CNR1: variants seen among roughly 807,000 people sequenced by gnomAD.
The protein encoded by CNR1 is cannabinoid receptor 1, also known as cannabinoid receptor 1 (brain).
In CNR1, 10 loss-of-function variants were observed where a neutral mutation model predicts 23.0. The ratio of observed to expected loss-of-function variants is 0.43; its 90% confidence interval spans 0.27 to 0.74. The LOEUF is 0.74. Among genes scored for constraint, CNR1 ranks in the 30% least tolerant of loss-of-function variants. The pLI is 0.19. For missense variants in CNR1, 422 were observed against 618.8 expected, an observed-to-expected ratio of 0.68 and a Z score of 3.37; for synonymous variants, 271 against 255.2, an observed-to-expected ratio of 1.06 and a Z score of -0.59.
At chr6:88,165,673 A>G (rs1193294345) in intron 1 of CNR1, 130 bp downstream of exon 1, 2 of 152,512 alleles carry the variant, frequency 1.3e-5, no homozygotes, top group Non-Finnish European at 2.9e-5. Flanking sequence ...ACAGCTAAGT[A>G]AACACCGACG....
In CNR1 at chr6:88,153,035, T is replaced by C. The variant is rs188378428; in HGVS notation, c.-63-7698A>G. ...TCCTAGAATTCTGCTTTAAAAAATA[T>C]AGCCAACATATTCTAACAGTGTAAG... On this transcript the variant is annotated intron_variant, in intron 1 of 1. Coordinates refer to ENST00000369501, the MANE Select transcript of CNR1 (RefSeq NM_016083.6). Among the ~76,000 whole-genome samples, 15 of 152,362 alleles carry C rather than the reference T, an allele frequency of 9.8e-5. 1 individual carries two copies. Among genetic ancestry groups the C allele is most frequent in the Admixed American group, 5.2e-4 (8 of 15,308 alleles).
intron 1 of CNR1, among the ~76,000 whole-genome samples, chr6:88,158,172 T>C (rs888288055): frequency 6.6e-6 from 1 of 152,128 alleles, no homozygotes; most frequent in African/African-American, 2.4e-5. Flanking sequence ...CAATGCAAAA[T>C]ATGCTCTGGA....
intron 1 of CNR1, among the ~76,000 whole-genome samples, chr6:88,156,821 T>A (rs993524782): frequency 2.0e-5 from 3 of 152,128 alleles, no homozygotes; most frequent in Non-Finnish European, 4.4e-5. Context: ...CCATGGACAG[T>A]TTTTTCTGGC....
chr6:88,156,450 G>A (rs572113438), intron 1 of CNR1, among the ~76,000 whole-genome samples: 1 of 152,202 alleles, frequency 6.6e-6, no homozygotes, highest in African/African-American at 2.4e-5. Context: ...CCTCCACCTC[G>A]AATACAGCCC....
chr6:88,164,395 A>C (rs962320196), intron 1 of CNR1: 1 of 152,510 alleles, frequency 6.6e-6, no homozygotes, highest in African/African-American at 2.4e-5. Context: ...TTGCCCCACT[A>C]TGGTAACTGC....
intron 1 of CNR1, among the ~76,000 whole-genome samples, chr6:88,146,667 C>T (rs1464144157): frequency 6.6e-6 from 1 of 152,106 alleles, no homozygotes; most frequent in Non-Finnish European, 1.5e-5. Flanking sequence ...GTGGGCTATT[C>T]ATTTCTTTAG....
intron 1 of CNR1, among the ~76,000 whole-genome samples, chr6:88,150,038 A>G (rs1436607787): frequency 6.6e-6 from 1 of 152,208 alleles, no homozygotes; most frequent in Non-Finnish European, 1.5e-5. Context: ...AGTGATTTGC[A>G]TTTGCCTTTT....
Position 88,143,410 on chromosome 6 carries a change from A to G in CNR1, c.*446T>C, listed in dbSNP as rs1047994937. 1 of 162,690 alleles carries G rather than the reference A, an allele frequency of 6.1e-6. No individual in the cohort carries two copies. Among genetic ancestry groups the G allele is most frequent in the African/African-American group, 2.4e-5 (1 of 41,516 alleles). 10.1% of individuals were successfully genotyped at this position (162,690 alleles called of 1,614,324 possible). A position where few individuals can be genotyped will look rare whatever the true frequency, so the allele number is the denominator to read the frequency against. ...TAATAGCACATAAACACTGATACAC[A>G]TCTCACAGGACATAATACATTTTAC... On this transcript the variant is annotated 3_prime_UTR_variant, in exon 2 of 2. Transcript: ENST00000369501.
At chr6:88,157,145 G>A (rs1377490486) in intron 1 of CNR1, among the ~76,000 whole-genome samples, 1 of 152,122 alleles carries the variant, frequency 6.6e-6, no homozygotes, top group Non-Finnish European at 1.5e-5. Flanking sequence ...TTAATTATAT[G>A]CTGTTGATAG....
chr6:88,156,136 T>G (rs371670222), intron 1 of CNR1, among the ~76,000 whole-genome samples: 1 of 152,194 alleles, frequency 6.6e-6, no homozygotes, highest in South Asian at 2.1e-4. Context: ...ACAAATTATA[T>G]AAACGTTGTA....
At chr6:88,152,876 T>C (rs963203015) in intron 1 of CNR1, among the ~76,000 whole-genome samples, 9 of 152,230 alleles carry the variant, frequency 5.9e-5, no homozygotes, top group Admixed American at 5.9e-4. Context: ...GCCATTAATT[T>C]TGTTTTTGTT....
intron 1 of CNR1, among the ~76,000 whole-genome samples, chr6:88,152,642 T>C (rs1430470599): frequency 6.6e-6 from 1 of 152,248 alleles, no homozygotes; most frequent in Non-Finnish European, 1.5e-5. Flanking sequence ...ATATGGATTT[T>C]ATGTAGTTCA....
chr6:88,161,735 T>C (rs555590002), intron 1 of CNR1, among the ~76,000 whole-genome samples: 1 of 152,260 alleles, frequency 6.6e-6, no homozygotes, highest in African/African-American at 2.4e-5. Flanking sequence ...GAGATGGAAG[T>C]TGCTTGCTCT....
chr6:88,144,690 C>T lies in CNR1; in HGVS notation c.585G>A (p.Gly195=). The T allele has an allele frequency of 6.2e-7, 1 of 1,614,168 alleles. No individual in the cohort carries two copies. Among genetic ancestry groups the T allele is most frequent in the Non-Finnish European group, 8.5e-7 (1 of 1,180,038 alleles). ...CGGAGGCAGTGAAGGAGGCCGTGAC[C>T]CCACCCAGTTTGAACAGAAACACGT... ...SRNVFLFKLG[G]VTASFTASVG... Residue 195 remains glycine (G), a synonymous_variant, in exon 2 of 2, where the codon GGG becomes GGA. Transcript: ENST00000369501. This position sits in a 1 kb window ranked among gnomAD's most constrained non-coding sequence, Gnocchi z 7.8.
At chr6:88,151,885 C>T (rs1179899255) in intron 1 of CNR1, among the ~76,000 whole-genome samples, 1 of 151,840 alleles carries the variant, frequency 6.6e-6, no homozygotes. Context: ...TCAAGGCAAC[C>T]CTATCAGGTG....
At chr6:88,162,577 A>G (rs1778161979) in intron 1 of CNR1, among the ~76,000 whole-genome samples, 1 of 152,250 alleles carries the variant, frequency 6.6e-6, no homozygotes, top group African/African-American at 2.4e-5. Context: ...AGCAGCATTC[A>G]TGCAGCCATA....
intron 1 of CNR1, chr6:88,164,232 TC>T (rs1778252464): frequency 1.3e-5 from 2 of 152,458 alleles, no homozygotes; most frequent in East Asian, 1.9e-4. Context: ...ATGAGACCTC[TC>T]CCCATCAGAC....
rs1004940695 is a variant in CNR1 at position 88,141,299 on chromosome 6, C to T, written c.*2557G>A. Reference sequence around the variant, plus strand: ...TTTTAAATGAAGGTTGTATAACATACGTGATGATATTTCACAGATATTTCT... The same window carrying T: ...TTTTAAATGAAGGTTGTATAACATATGTGATGATATTTCACAGATATTTCT... On this transcript the variant is annotated 3_prime_UTR_variant, in exon 2 of 2. Transcript: ENST00000369501. The T allele has an allele frequency of 7.9e-5, 12 of 152,678 alleles. No individual in the cohort carries two copies. The highest frequency in any genetic ancestry group is 7.5e-4 in the East Asian group (4 of 5,336). 9.5% of individuals were successfully genotyped at this position (152,678 alleles called of 1,614,324 possible).
chr6:88,155,634 A>T (rs147625249), intron 1 of CNR1, among the ~76,000 whole-genome samples: 1 of 152,234 alleles, frequency 6.6e-6, no homozygotes, highest in Non-Finnish European at 1.5e-5. Flanking sequence ...TGATAATTTT[A>T]TACAGTAAAC....
Sources: gnomAD v4.1 joint callset for allele counts (sites outside exome capture counted in the v4.1 genomes callset) on GRCh38, gnomAD v4.1.1 for gene constraint, Gnocchi (gnomAD v3.1) non-coding constraint, MANE v1.5 for transcripts, NCBI Gene and HGNC (gene_info 2026-07-23, HGNC 2026-07-21) for gene names.